Variants in PLEKHG1 observed in about 807,000 individuals in gnomAD.
The protein encoded by PLEKHG1 is pleckstrin homology and RhoGEF domain containing G1.
A neutral mutation model predicts 100.8 loss-of-function variants in PLEKHG1; 44 were observed. The ratio of observed to expected loss-of-function variants is 0.44; its 90% CI spans 0.34 to 0.56. The LOEUF (loss-of-function observed/expected upper bound fraction) is 0.56, where lower values mean the gene tolerates loss of function less well. Ranked by LOEUF, PLEKHG1 falls within the 20% of genes least tolerant of loss-of-function variation. The probability of loss-of-function intolerance (pLI) is 0.01; values close to 1 mark genes in which losing one functional copy is unlikely to be tolerated. For missense variants in PLEKHG1, 1,545 were observed against 1,720.9 expected (o/e 0.90, Z 1.81); for synonymous variants, 640 against 662.5 (o/e 0.97, Z 0.52).
chr6:150,695,492 T>G (rs544765469), intron 3 of PLEKHG1, among the ~76,000 whole-genome samples: 1 of 152,328 alleles, frequency 6.6e-6, no homozygotes, highest in East Asian at 1.9e-4. Context: ...GATTCTACTT[T>G]CCTTGAAAAT....
rs9285527 is a variant in PLEKHG1 at position 150,671,110 on chromosome 6, T to C, written c.-99+20324T>C. The stretch of plus-strand genomic sequence containing the variant: ...CATCATATATATATATATATATATA[T>C]ACACACACACACCAGTTTATTTATC... On this transcript the variant is annotated intron_variant, in intron 3 of 3. Transcript: ENST00000367326. Among the ~76,000 whole-genome samples, 448 of 122,024 alleles carry C rather than the reference T, an allele frequency of 3.7e-3. 1 individual carries two copies. The Middle Eastern group carries it at 0.044, about 12-fold the overall frequency. 80.1% of individuals were successfully genotyped at this position (122,024 alleles called of 152,430 possible).
chr6:150,698,409 C>T (rs192544322), intron 3 of PLEKHG1, among the ~76,000 whole-genome samples: 51 of 152,142 alleles, frequency 3.4e-4, no homozygotes, highest in Middle Eastern at 6.8e-3. Flanking sequence ...ATGTTGATCA[C>T]GTTATGACAA....
chr6:150,667,528 T>C (rs1170898514), intron 3 of PLEKHG1, among the ~76,000 whole-genome samples: 6 of 152,230 alleles, frequency 3.9e-5, no homozygotes, highest in African/African-American at 1.4e-4. Context: ...AAAATAGTAG[T>C]CTGAAGTACA....
intron 2 of PLEKHG1, among the ~76,000 whole-genome samples, chr6:150,644,242 A>G (rs904055741): frequency 3.3e-5 from 5 of 151,996 alleles, no homozygotes; most frequent in African/African-American, 1.2e-4. Context: ...AGCATGCCAG[A>G]ACCAGAATTT....
intron 5 of PLEKHG1, 52 bp downstream of exon 6, chr6:150,795,954 C>T: frequency 8.6e-7 from 1 of 1,167,770 alleles, no homozygotes; most frequent in African/African-American, 1.5e-5. Context: ...CACATTGTTT[C>T]AAGTCAGCTG....
At chr6:150,676,363 AT>A (rs1252080273) in intron 3 of PLEKHG1, among the ~76,000 whole-genome samples, 1 of 152,248 alleles carries the variant, frequency 6.6e-6, no homozygotes, top group Non-Finnish European at 1.5e-5. Flanking sequence ...ACTCAAATAC[AT>A]TTTAAAATGG....
intron 2 of PLEKHG1, among the ~76,000 whole-genome samples, chr6:150,754,586 G>A (rs1338745570): frequency 6.6e-6 from 1 of 152,004 alleles, no homozygotes; most frequent in Non-Finnish European, 1.5e-5. Flanking sequence ...GGTGGGAGAG[G>A]AGAGGCGGGA....
At chr6:150,799,276 C>T (rs993555013) in intron 5 of PLEKHG1, among the ~76,000 whole-genome samples, 5 of 152,192 alleles carry the variant, frequency 3.3e-5, no homozygotes, top group African/African-American at 1.2e-4. Context: ...CCAGGTATTT[C>T]AGCCCATCTG....
rs771893136 is a variant in PLEKHG1 at position 150,831,489 on chromosome 6, G to A, written c.2378G>A (p.Ser793Asn). The stretch of plus-strand genomic sequence containing the variant: ...GTTTCCCAAGACAGCCTCCAGCTCA[G>A]TGAGGACGAAGCCCCTTACCATCAG... Residue 793 changes from serine (S) to asparagine (N), a missense_variant, in exon 15 of 16, where the codon AGT becomes AAT. Transcript: ENST00000358517. The surrounding 1 kb of genome is among the most constrained non-coding windows in gnomAD (Gnocchi z 4.1). 51 of 1,614,068 alleles carry A rather than the reference G, an allele frequency of 3.2e-5. 1 individual carries two copies. The highest frequency in any genetic ancestry group is 3.1e-4 in the South Asian group (28 of 91,088).
chr6:150,774,232 T>G (rs988825107), intron 3 of PLEKHG1, among the ~76,000 whole-genome samples: 1 of 152,226 alleles, frequency 6.6e-6, no homozygotes, highest in Non-Finnish European at 1.5e-5. Flanking sequence ...CAATATTGTT[T>G]AGACATTGGC....
intron 2 of PLEKHG1, among the ~76,000 whole-genome samples, chr6:150,764,950 A>ATT (rs3072747): frequency 0.065 from 9,731 of 150,832 alleles, 400 homozygotes; most frequent in Admixed American, 0.11. Flanking sequence ...TGTTTTATGC[A>ATT]TTTTTTTTTA....
At chr6:150,735,761 C>A (rs1238346502) in intron 2 of PLEKHG1, among the ~76,000 whole-genome samples, 1 of 151,824 alleles carries the variant, frequency 6.6e-6, no homozygotes, top group African/African-American at 2.4e-5. Flanking sequence ...TTTTTCCTTT[C>A]TTTCTTGGAA....
intron 1 of PLEKHG1, among the ~76,000 whole-genome samples, chr6:150,612,477 C>T (rs1048155295): frequency 6.6e-5 from 10 of 152,062 alleles, no homozygotes; most frequent in African/African-American, 2.4e-4. Flanking sequence ...GGATTACAGG[C>T]GCCTGCCATC....
exon 3 of PLEKHG1, chr6:150,768,712 C>A: frequency 1.2e-6 from 2 of 1,603,444 alleles, no homozygotes; most frequent in Non-Finnish European, 1.7e-6. Flanking sequence ...TTTTTGGAAA[C>A]ATACAGGATA....
At chr6:150,715,513 A>T (rs1781395442) in intron 3 of PLEKHG1, among the ~76,000 whole-genome samples, 1 of 143,440 alleles carries the variant, frequency 7.0e-6, no homozygotes, top group African/African-American at 2.6e-5. Flanking sequence ...TTTGAGACGG[A>T]ATCTTGCTCT....
At chr6:150,671,244 G>A (rs1195059927) in intron 3 of PLEKHG1, among the ~76,000 whole-genome samples, 2 of 152,096 alleles carry the variant, frequency 1.3e-5, no homozygotes, top group Non-Finnish European at 1.5e-5. Flanking sequence ...TTTCCTCTGG[G>A]TAAATACCTG....
intron 2 of PLEKHG1, among the ~76,000 whole-genome samples, chr6:150,643,084 A>G (rs968685624): frequency 6.6e-6 from 1 of 152,222 alleles, no homozygotes; most frequent in Non-Finnish European, 1.5e-5. Flanking sequence ...TATGAAAAAC[A>G]GAGAGACATA....
At chr6:150,750,777 T>A in intron 2 of PLEKHG1, among the ~76,000 whole-genome samples, 1 of 68,316 alleles carries the variant, frequency 1.5e-5, no homozygotes, top group Admixed American at 2.1e-4. Context: ...CGAGACTCCA[T>A]CTCAAAAAAA....
Position 150,634,907 on chromosome 6 carries a change from G to C in PLEKHG1, c.-203-3173G>C, listed in dbSNP as rs551979109. ...AGTAGGAGTGGGTAGGAATTTACAG[G>C]ATGTTATTCTTCCAAGAAGAGTTGG... On this transcript the variant is annotated intron_variant, in intron 1 of 3. Coordinates refer to the PLEKHG1 transcript ENST00000367326. 3.9e-5 allele frequency among the ~76,000 whole-genome samples: 6 copies of C among 152,326 alleles called. No homozygotes were observed. In the East Asian group the frequency reaches 1.2e-3, roughly 29 times the overall value.
Sources: allele counts gnomAD v4.1 joint callset (sites outside exome capture counted in the v4.1 genomes callset), GRCh38; gene constraint gnomAD v4.1.1; non-coding constraint Gnocchi (gnomAD v3.1); transcripts MANE v1.5; gene names NCBI Gene and HGNC (gene_info 2026-07-23, HGNC 2026-07-21).